PRIM2: variants seen among roughly 807,000 people sequenced by gnomAD.
PRIM2 encodes the protein DNA primase subunit 2.
A neutral mutation model predicts 67.3 loss-of-function variants in PRIM2; 39 were observed. The observed-to-expected ratio is 0.58, with a 90% CI of 0.45 to 0.76. The LOEUF (loss-of-function observed/expected upper bound fraction) is 0.76. PRIM2 is among the 30% of genes least tolerant of loss of function. PRIM2 has a pLI of 0.00. For synonymous variants in PRIM2, 143 were observed against 198.7 expected (o/e 0.72, Z 2.36); for missense variants, 398 against 598.7 (o/e 0.66, Z 3.50).
chr6:57,553,019 C>T (rs1160378039), intron 10 of PRIM2, among the ~76,000 whole-genome samples: 1 of 152,056 alleles, frequency 6.6e-6, no homozygotes, highest in Non-Finnish European at 1.5e-5. Flanking sequence ...AAATGTTTGT[C>T]AGAATGAGTA....
intron 7 of PRIM2, among the ~76,000 whole-genome samples, chr6:57,409,452 G>A (rs1562737516): frequency 6.6e-6 from 1 of 152,154 alleles, no homozygotes; most frequent in African/African-American, 2.4e-5. Flanking sequence ...GGGATTACAG[G>A]TGTGAGCCAC....
At chr6:57,460,756 CT>C (rs1772978485) in intron 7 of PRIM2, among the ~76,000 whole-genome samples, 1 of 152,082 alleles carries the variant, frequency 6.6e-6, no homozygotes, top group Non-Finnish European at 1.5e-5. Flanking sequence ...GTTTTCCTTG[CT>C]TTTGGATTTT....
chr6:57,634,499 C>T (rs1337402461), intron 13 of PRIM2, among the ~76,000 whole-genome samples: 1 of 152,282 alleles, frequency 6.6e-6, no homozygotes, highest in Non-Finnish European at 1.5e-5. Context: ...GTTTATATGA[C>T]TCGCTCTCTC....
chr6:57,442,332 T>A (rs1414525514), intron 7 of PRIM2, among the ~76,000 whole-genome samples: 1 of 152,026 alleles, frequency 6.6e-6, no homozygotes, highest in Non-Finnish European at 1.5e-5. Flanking sequence ...CATTTTCTAT[T>A]TTGGTTCATT....
chr6:57,627,150 G>A (rs1776961911), intron 12 of PRIM2, among the ~76,000 whole-genome samples: 1 of 149,952 alleles, frequency 6.7e-6, no homozygotes, highest in South Asian at 2.1e-4. Flanking sequence ...GTGTTATGGT[G>A]CGCATCTGTA....
intron 5 of PRIM2, among the ~76,000 whole-genome samples, chr6:57,364,493 G>A (rs1769292386): frequency 2.0e-5 from 3 of 152,128 alleles, no homozygotes; most frequent in African/African-American, 7.2e-5. Flanking sequence ...TACTTTGGGT[G>A]GCCACAGCTT....
intron 8 of PRIM2, among the ~76,000 whole-genome samples, chr6:57,528,922 G>T (rs1774823804): frequency 1.3e-5 from 2 of 152,130 alleles, no homozygotes; most frequent in African/African-American, 4.8e-5. Context: ...TGTTAATTAG[G>T]CAGGGCTGGC....
intron 7 of PRIM2, among the ~76,000 whole-genome samples, chr6:57,437,846 G>A (rs1418038210): frequency 6.6e-6 from 1 of 151,946 alleles, no homozygotes; most frequent in African/African-American, 2.4e-5. Flanking sequence ...TGTATATCTG[G>A]TAGGGATGGG....
At chr6:57,385,084 T>A (rs1291549709) in intron 7 of PRIM2, among the ~76,000 whole-genome samples, 2 of 152,186 alleles carry the variant, frequency 1.3e-5, no homozygotes, top group Non-Finnish European at 2.9e-5. Context: ...TATTCCAGTG[T>A]AGAAAGAAGG....
At chr6:57,326,272 T>C in intron 5 of PRIM2, 2 of 390,046 alleles carry the variant, frequency 5.1e-6, no homozygotes, top group South Asian at 1.4e-4. Context: ...GTTAAATGTG[T>C]GCTTTATTAA....
chr6:57,621,415 G>A (rs1335577908), intron 12 of PRIM2, among the ~76,000 whole-genome samples: 14 of 152,102 alleles, frequency 9.2e-5, no homozygotes, highest in Admixed American at 3.9e-4. Context: ...GAACTTTGGA[G>A]GGGACACATT....
intron 12 of PRIM2, among the ~76,000 whole-genome samples, chr6:57,618,523 G>A (rs1480302897): frequency 6.6e-6 from 1 of 152,188 alleles, no homozygotes; most frequent in African/African-American, 2.4e-5. Context: ...TCTGGGAGGT[G>A]AAAGCCTTGG....
At chr6:57,330,348 G>GTTTTTTT (rs1238317111) in intron 5 of PRIM2, among the ~76,000 whole-genome samples, 75 of 87,774 alleles carry the variant, frequency 8.5e-4, no homozygotes, top group African/African-American at 1.8e-3. Flanking sequence ...TGCTGAACTT[G>GTTTTTTT]TTTTTTTTTT....
chr6:57,641,392 A>C (rs1424764274), intron 13 of PRIM2, among the ~76,000 whole-genome samples: 4 of 152,234 alleles, frequency 2.6e-5, no homozygotes, highest in South Asian at 4.1e-4. Context: ...GATAAATGAG[A>C]TCTAATTAAA....
intron 10 of PRIM2, among the ~76,000 whole-genome samples, chr6:57,550,252 A>G (rs1255596628): frequency 6.6e-6 from 1 of 152,194 alleles, no homozygotes; most frequent in Non-Finnish European, 1.5e-5. Context: ...TCTCTTATAA[A>G]TATTTTGGTG....
At chr6:57,552,855 C>CT (rs1369352922) in intron 10 of PRIM2, among the ~76,000 whole-genome samples, 7 of 151,628 alleles carry the variant, frequency 4.6e-5, no homozygotes, top group Admixed American at 2.0e-4. Flanking sequence ...AGTTTTTAGA[C>CT]TTTTTTTTGT....
intron 9 of PRIM2, among the ~76,000 whole-genome samples, chr6:57,535,957 T>A (rs1168761673): frequency 6.6e-6 from 1 of 152,140 alleles, no homozygotes; most frequent in Non-Finnish European, 1.5e-5. Flanking sequence ...GAATATTGAT[T>A]GTATGGATTA....
At position 57,512,022 on chromosome 6, in the gene PRIM2, C is replaced by G. The variant is rs1483479039; in HGVS notation, c.761+4568C>G. Among the ~76,000 whole-genome samples, 4 of 152,260 alleles carry G rather than the reference C, an allele frequency of 2.6e-5. No homozygotes were observed. In the East Asian group the frequency reaches 7.7e-4, roughly 29 times the overall value. On this transcript the variant is annotated intron_variant, in intron 8 of 13. Coordinates refer to ENST00000615550, the MANE Select transcript of PRIM2 (RefSeq NM_000947.5). ...GGTGAAGGGTACTGAATCGAACCCA[C>G]AGAATATCAGTGTTTAAATGACTTG...
Position 57,363,592 on chromosome 6 carries a change from C to G in PRIM2, c.460-16309C>G, listed in dbSNP as rs568338295. On this transcript the variant is annotated intron_variant, in intron 5 of 13. Transcript: ENST00000615550. ...ATATCACTCTGCTGCCTTCTGGCTT[C>G]TCCTCTTGCTGTGGGGAAATCAGCT... Among the ~76,000 whole-genome samples, 3 of 152,314 alleles carry G rather than the reference C, an allele frequency of 2.0e-5. No individual in the cohort carries two copies. The East Asian group carries it at 5.8e-4, about 29-fold the overall frequency.
Sources: gnomAD v4.1 joint callset for allele counts (sites outside exome capture counted in the v4.1 genomes callset) on GRCh38, gnomAD v4.1.1 for gene constraint, MANE v1.5 for transcripts, NCBI Gene and HGNC (gene_info 2026-07-23, HGNC 2026-07-21) for gene names.